Variants in ARHGEF7 observed in about 807,000 individuals in gnomAD.
ARHGEF7 encodes PAK-interacting exchange factor beta.
In ARHGEF7, 33 loss-of-function variants were observed where a neutral mutation model predicts 109.8. The observed-to-expected ratio is 0.30, with a 90% CI of 0.23 to 0.40. The LOEUF (loss-of-function observed/expected upper bound fraction) is 0.40, where lower values mean the gene tolerates loss of function less well. ARHGEF7 is among the 10% of genes least tolerant of loss of function. The pLI is 1.00. For synonymous variants in ARHGEF7, 458 were observed against 424.6 expected (o/e 1.08, Z -0.97); for missense variants, 938 against 1,098.5 (o/e 0.85, Z 2.07).
At chr13:111,159,123 T>G (rs1214564479) in intron 2 of ARHGEF7, 3 of 717,028 alleles carry the variant, frequency 4.2e-6, no homozygotes, top group Non-Finnish European at 7.8e-6. Context: ...TACATATAGG[T>G]GAGATCGTGC....
intron 1 of ARHGEF7, among the ~76,000 whole-genome samples, chr13:111,120,644 C>G (rs991234750): frequency 1.3e-5 from 2 of 152,216 alleles, no homozygotes; most frequent in East Asian, 3.9e-4. Flanking sequence ...GATGCCATCT[C>G]AGGACCCGGC....
chr13:111,261,829 G>T (rs535662816), intron 8 of ARHGEF7, among the ~76,000 whole-genome samples: 3 of 152,296 alleles, frequency 2.0e-5, no homozygotes, highest in African/African-American at 7.2e-5. Context: ...TGGAAACTAT[G>T]CAGACACATG....
At chr13:111,168,176 C>G (rs1218749797) in intron 2 of ARHGEF7, among the ~76,000 whole-genome samples, 1 of 152,114 alleles carries the variant, frequency 6.6e-6, no homozygotes, top group Non-Finnish European at 1.5e-5. Flanking sequence ...GCTGAGATGG[C>G]CAGGGTAGCT....
intron 6 of ARHGEF7, among the ~76,000 whole-genome samples, chr13:111,237,689 G>T (rs1389574033): frequency 6.6e-6 from 1 of 152,188 alleles, no homozygotes; most frequent in Non-Finnish European, 1.5e-5. Flanking sequence ...GCGATCAGTG[G>T]TTTGTCCATT....
chr13:111,280,664 T>G lies in ARHGEF7; in HGVS notation c.1712T>G (p.Val571Gly). 7 of 1,595,984 alleles carry G rather than the reference T, an allele frequency of 4.4e-6. No homozygotes were observed. The highest frequency in any genetic ancestry group is 6.0e-6 in the Non-Finnish European group (7 of 1,172,204). ...AACCCCACCATAAAGCCTCATTCAG[T>G]GCCATCTCATACCGTAAGGACTTGG... ...VGNPTIKPHS[V>G]PSHTLPSHPV... The change falls in exon 15 of 22, where the codon GTG (valine) becomes GGG (glycine). Residue 571 changes from valine (V) to glycine (G), a missense_variant. Around this residue, in one of 4 missense-constraint regions of ARHGEF7, gnomAD observed 585 missense variants for 723.6 expected, o/e 0.81. Coordinates refer to ENST00000646102, the MANE Select transcript of ARHGEF7 (RefSeq NM_001354046.2).
intron 1 of ARHGEF7, among the ~76,000 whole-genome samples, chr13:111,124,194 G>C (rs1399837179): frequency 6.6e-6 from 1 of 152,080 alleles, no homozygotes; most frequent in Non-Finnish European, 1.5e-5. Context: ...TGCATTCACT[G>C]TCTCTGTTTC....
intron 1 of ARHGEF7, among the ~76,000 whole-genome samples, chr13:111,117,261 C>T (rs544712316): frequency 6.6e-6 from 1 of 152,152 alleles, no homozygotes; most frequent in African/African-American, 2.4e-5. Context: ...TGGCCGACTT[C>T]AATAATCATT....
chr13:111,184,980 C>T (rs972538843), intron 2 of ARHGEF7: 1 of 152,392 alleles, frequency 6.6e-6, no homozygotes, highest in Admixed American at 6.5e-5. Flanking sequence ...GTGGAGCTCC[C>T]AGGGGATTTC....
chr13:111,267,290 G>A (rs887561109), intron 8 of ARHGEF7, among the ~76,000 whole-genome samples: 23 of 152,180 alleles, frequency 1.5e-4, no homozygotes. Context: ...CAAAGAACTT[G>A]GGCCTGAGGG....
chr13:111,274,810 G>A lies in ARHGEF7; in HGVS notation c.1272+20G>A, dbSNP rs780342134. 2.1e-6 allele frequency: 3 copies of A among 1,399,606 alleles called. No homozygotes were observed. Among genetic ancestry groups the A allele is most frequent in the African/African-American group, 3.0e-5 (2 of 67,050 alleles). 86.7% of individuals were successfully genotyped at this position (1,399,606 alleles called of 1,614,324 possible). ...CTTTCAGTAAGTGATTAAGCATATT[G>A]TTTTCCCCCCCAGACATTATTGTGA... On this transcript the variant is annotated intron_variant, in intron 11 of 21. Transcript: ENST00000646102.
At position 111,228,746 on chromosome 13, in the gene ARHGEF7, G is replaced by C. The variant is rs2085574127; in HGVS notation, c.671-4459G>C. Among the ~76,000 whole-genome samples the C allele has an allele frequency of 6.6e-6, 1 of 152,036 alleles. No individual in the cohort carries two copies. ...GCAGACACACACAGACATTGACTCT[G>C]TGAACTCTGAGTGCGTGAGTAACAG... On this transcript the variant is annotated intron_variant, in intron 5 of 21. Transcript: ENST00000646102. This position sits in a 1 kb window ranked among gnomAD's most constrained non-coding sequence, Gnocchi z 4.6.
intron 18 of ARHGEF7, 67 bp downstream of exon 18, chr13:111,288,510 A>G (rs1024135156): frequency 2.3e-6 from 3 of 1,332,270 alleles, no homozygotes; most frequent in Non-Finnish European, 3.2e-6. Flanking sequence ...TTACAGTCTG[A>G]AGGAACCTGT....
At chr13:111,269,831 C>T (rs1344663245) in intron 9 of ARHGEF7, among the ~76,000 whole-genome samples, 3 of 152,208 alleles carry the variant, frequency 2.0e-5, no homozygotes, top group Non-Finnish European at 1.5e-5. Context: ...GAATTGGGGT[C>T]AGGCTTCCCT....
chr13:111,126,653 A>G (rs974976390), intron 1 of ARHGEF7, among the ~76,000 whole-genome samples: 1 of 152,244 alleles, frequency 6.6e-6, no homozygotes, highest in African/African-American at 2.4e-5. Context: ...CAAATGGAGA[A>G]AAATAAAAGT....
intron 19 of ARHGEF7, among the ~76,000 whole-genome samples, chr13:111,299,613 A>G (rs535384194): frequency 2.0e-5 from 3 of 152,286 alleles, no homozygotes; most frequent in Non-Finnish European, 4.4e-5. Context: ...AAGTGCTGGG[A>G]TTACAGGCGT....
intron 8 of ARHGEF7, among the ~76,000 whole-genome samples, chr13:111,245,352 G>A (rs979333378): frequency 8.6e-5 from 13 of 151,976 alleles, no homozygotes; most frequent in African/African-American, 2.9e-4. Context: ...ACCACTTTTC[G>A]GCGTATGTCA....
Position 111,277,682 on chromosome 13 carries a change from CAATTTA to C in ARHGEF7, c.1506+16_1506+21del, listed in dbSNP as rs375174330. 442 of 1,544,424 alleles carry C rather than the reference CAATTTA, an allele frequency of 2.9e-4. No homozygotes were observed. In the African/African-American group the frequency reaches 5.4e-3, roughly 19 times the overall value. On this transcript the variant is annotated intron_variant, in intron 13 of 21. Coordinates refer to ENST00000646102, the MANE Select transcript of ARHGEF7 (RefSeq NM_001354046.2). ...GTGGCTTTATCTATCAGGTAAAACA[CAATTTA>C]AATTTATATTTTATTGTGGATCTGA...
chr13:111,176,368 C>T (rs188620804), intron 2 of ARHGEF7, among the ~76,000 whole-genome samples: 104 of 152,312 alleles, frequency 6.8e-4, no homozygotes, highest in Admixed American at 3.3e-3. Context: ...TTTCTGTTTC[C>T]TGAGAATTGT....
At chr13:111,230,448 T>C (rs938771369) in intron 5 of ARHGEF7, among the ~76,000 whole-genome samples, 4 of 152,210 alleles carry the variant, frequency 2.6e-5, no homozygotes, top group African/African-American at 9.6e-5. Context: ...GAAGGCTTCC[T>C]AGGCTGCCCG....
Sources: gnomAD v4.1 joint callset for allele counts (sites outside exome capture counted in the v4.1 genomes callset) on GRCh38, gnomAD v4.1.1 for gene constraint, gnomAD v4.1.1 regional missense constraint, Gnocchi (gnomAD v3.1) non-coding constraint, MANE v1.5 for transcripts, NCBI Gene and HGNC (gene_info 2026-07-23, HGNC 2026-07-21) for gene names.